The following ANKRD42 variants were observed in gnomAD, a reference collection of about 807,000 sequenced individuals.
The protein encoded by ANKRD42 is ankyrin repeat domain-containing protein 42.
Under a neutral mutation model 51.5 loss-of-function variants are expected in ANKRD42, and 43 were observed. That is an observed-to-expected ratio of 0.83 (90% CI 0.65 to 1.08). The LOEUF (loss-of-function observed/expected upper bound fraction) is 1.08. Ranked by LOEUF, ANKRD42 falls within the 50% of genes least tolerant of loss-of-function variation. ANKRD42 has a pLI of 0.00. For synonymous variants in ANKRD42, 203 were observed against 213.0 expected (o/e 0.95, Z 0.41); for missense variants, 608 against 629.3 (o/e 0.97, Z 0.36).
chr11:83,216,850 C>CTGGG (rs1287883142), intron 5 of ANKRD42, among the ~76,000 whole-genome samples: 1 of 151,148 alleles, frequency 6.6e-6, no homozygotes, highest in Non-Finnish European at 1.5e-5. Context: ...CCAGCTGGCC[C>CTGGG]CTCCTCTGAG....
At chr11:83,205,965 C>T (rs1003932653) in intron 2 of ANKRD42, 93 bp from the exon 3 acceptor site, 1 of 1,005,816 alleles carries the variant, frequency 9.9e-7, no homozygotes, top group African/African-American at 1.6e-5. Context: ...TCATTCACTA[C>T]AGTCTGCTAT....
chr11:83,248,279 T>C lies in ANKRD42; in HGVS notation c.*75T>C. 1 of 1,421,266 alleles carries C rather than the reference T, an allele frequency of 7.0e-7. No homozygotes were observed. Among genetic ancestry groups the C allele is most frequent in the Non-Finnish European group, 9.1e-7 (1 of 1,095,418 alleles). The allele number at this position is 1,421,266 out of a possible 1,614,324, so 88.0% of individuals were successfully genotyped here. ...GATAACTTATACTTTCTAGAGCTGA[T>C]GACAGGATTAAAGGAATACACACAC... On this transcript the variant is annotated 3_prime_UTR_variant, in exon 11 of 11. Coordinates refer to ENST00000533342, the MANE Select transcript of ANKRD42 (RefSeq NM_001300975.2).
Position 83,240,937 on chromosome 11 carries a change from A to T in ANKRD42, c.1195+3A>T. The T allele has an allele frequency of 6.2e-7, 1 of 1,609,750 alleles. No individual in the cohort carries two copies. The highest frequency in any genetic ancestry group is 1.7e-5 in the Admixed American group (1 of 59,152). ...CTTGGATAAAACAGATGCCAGAAGT[A>T]AGTATGCTGCCTCTGTTGTGATTTA... is the stretch of plus-strand genomic sequence containing the variant. On this transcript the variant is annotated splice_donor_region_variant and intron_variant, in intron 9 of 10. Transcript: ENST00000533342.
chr11:83,233,776 G>A (rs536206941), intron 7 of ANKRD42, among the ~76,000 whole-genome samples: 7 of 152,092 alleles, frequency 4.6e-5, no homozygotes, highest in East Asian at 1.9e-4. Flanking sequence ...TCCACCTTCC[G>A]GGTTCAAGCA....
intron 5 of ANKRD42, among the ~76,000 whole-genome samples, chr11:83,211,872 T>C (rs1862335327): frequency 6.6e-6 from 1 of 152,094 alleles, no homozygotes; most frequent in East Asian, 1.9e-4. Context: ...AGTATATATG[T>C]TGACATGAAT....
intron 10 of ANKRD42, among the ~76,000 whole-genome samples, chr11:83,246,667 G>A (rs1356737207): frequency 5.3e-5 from 8 of 152,126 alleles, no homozygotes; most frequent in Admixed American, 1.3e-4. Flanking sequence ...CTTTGGTCGT[G>A]TCTTGTTCCG....
intron 9 of ANKRD42, among the ~76,000 whole-genome samples, chr11:83,242,567 G>GTTTTTTTTTTGTTTTTTTTTTTTTTT (rs770772334): frequency 2.6e-5 from 3 of 115,546 alleles, no homozygotes; most frequent in Non-Finnish European, 5.3e-5. Context: ...TGGTAGTTAA[G>GTTTTTTTTTTGTTTTTTTTTTTTTTT]TTTTTTTTTT....
intron 5 of ANKRD42, among the ~76,000 whole-genome samples, chr11:83,216,299 C>T (rs1159614965): frequency 1.3e-5 from 2 of 151,554 alleles, no homozygotes; most frequent in Admixed American, 6.6e-5. Context: ...AGTGTTTCTT[C>T]TTCCTGATTG....
At chr11:83,222,224 G>C (rs565617025) in intron 5 of ANKRD42, among the ~76,000 whole-genome samples, 282 of 152,254 alleles carry the variant, frequency 1.9e-3, no homozygotes, top group African/African-American at 6.5e-3. Context: ...TTCTTTGATA[G>C]AGCGTGAAAT....
chr11:83,252,448 A>T (rs1192328851), downstream of ANKRD42, among the ~76,000 whole-genome samples: 4 of 152,256 alleles, frequency 2.6e-5, no homozygotes, highest in Admixed American at 2.6e-4. Context: ...ATCATCTAAA[A>T]ATTCCCTCAA....
In ANKRD42 at chr11:83,240,939, G is replaced by C; in HGVS notation, c.1195+5G>C. The C allele has an allele frequency of 6.2e-7, 1 of 1,608,608 alleles. No homozygotes were observed. Among genetic ancestry groups the C allele is most frequent in the Non-Finnish European group, 8.5e-7 (1 of 1,177,214 alleles). On this transcript the variant is annotated splice_donor_5th_base_variant and intron_variant, in intron 9 of 10. Coordinates refer to ENST00000533342, the MANE Select transcript of ANKRD42 (RefSeq NM_001300975.2). Reference sequence around the variant, plus strand: ...TGGATAAAACAGATGCCAGAAGTAAGTATGCTGCCTCTGTTGTGATTTATC... The same window carrying C: ...TGGATAAAACAGATGCCAGAAGTAACTATGCTGCCTCTGTTGTGATTTATC...
At chr11:83,238,479 G>C (rs1447939586) in intron 8 of ANKRD42, among the ~76,000 whole-genome samples, 1 of 152,122 alleles carries the variant, frequency 6.6e-6, no homozygotes, top group Non-Finnish European at 1.5e-5. Flanking sequence ...TGGATCACTT[G>C]AGGTGAAGAG....
intron 3 of ANKRD42, chr11:83,209,767 T>A: frequency 4.8e-6 from 3 of 618,626 alleles, no homozygotes; most frequent in Non-Finnish European, 8.8e-6. Context: ...AATGTACTGT[T>A]TCAATGTGCT....
In ANKRD42 at chr11:83,245,488, T is replaced by C. The variant is rs1173334169; in HGVS notation, c.1196-10T>C. The C allele has an allele frequency of 6.5e-7, 1 of 1,535,366 alleles. No individual in the cohort carries two copies. Among genetic ancestry groups the C allele is most frequent in the East Asian group, 2.4e-5 (1 of 40,910 alleles). ...GTCTAACTAGGTTCCTACTCAACTC[T>C]GTCTTGCAGTGAGAGCTTACAAGAA... is the stretch of plus-strand genomic sequence containing the variant. On this transcript the variant is annotated splice_polypyrimidine_tract_variant and intron_variant, in intron 9 of 10. Transcript: ENST00000533342.
At position 83,199,783 on chromosome 11, in the gene ANKRD42, G is replaced by C. The variant is rs569090808; in HGVS notation, c.222+1141G>C. ...TTCCTTCTGTGAGTATGGCAGTCCT[G>C]TGTGATATCTTCTTTATTTGTACTT... On this transcript the variant is annotated intron_variant, in intron 2 of 10. Transcript: ENST00000533342. Among the ~76,000 whole-genome samples, 3 of 152,308 alleles carry C rather than the reference G, an allele frequency of 2.0e-5. No individual in the cohort carries two copies. In the East Asian group the frequency reaches 5.8e-4, roughly 29 times the overall value.
Position 83,248,646 on chromosome 11 carries a change from A to G in ANKRD42, c.*442A>G. On this transcript the variant is annotated 3_prime_UTR_variant, in exon 11 of 11. Coordinates refer to ENST00000533342, the MANE Select transcript of ANKRD42 (RefSeq NM_001300975.2). ...CTCAAATCTGATCTATTAATATTAT[A>G]GAATCTTCCTGGCTTCTTTTTATTT... 1.0e-6 allele frequency: 1 copy of G among 985,402 alleles called. No individual in the cohort carries two copies. Among genetic ancestry groups the G allele is most frequent in the Non-Finnish European group, 1.2e-6 (1 of 829,838 alleles). 61.0% of individuals were successfully genotyped at this position (985,402 alleles called of 1,614,324 possible).
chr11:83,240,198 G>A (rs1438397461), intron 8 of ANKRD42, among the ~76,000 whole-genome samples: 12 of 152,256 alleles, frequency 7.9e-5, no homozygotes, highest in African/African-American at 2.2e-4. Flanking sequence ...TTACTGGAAC[G>A]TTCACAGAGA....
At chr11:83,242,359 G>T (rs1354041197) in intron 9 of ANKRD42, among the ~76,000 whole-genome samples, 1 of 152,068 alleles carries the variant, frequency 6.6e-6, no homozygotes, top group Non-Finnish European at 1.5e-5. Context: ...TCAGTTAGGG[G>T]GCTATCGCTA....
downstream of ANKRD42, among the ~76,000 whole-genome samples, chr11:83,249,450 C>A (rs1863637453): frequency 6.6e-6 from 1 of 152,110 alleles, no homozygotes. Flanking sequence ...AGTTGTTGTT[C>A]TTCAGCTGCC....
Sources: gnomAD v4.1 joint callset for allele counts (sites outside exome capture counted in the v4.1 genomes callset) on GRCh38, gnomAD v4.1.1 for gene constraint, MANE v1.5 for transcripts, NCBI Gene and HGNC (gene_info 2026-07-23, HGNC 2026-07-21) for gene names.